The following SLC22A15 variants were observed in gnomAD, a reference collection of about 807,000 sequenced individuals.
SLC22A15 encodes the protein solute carrier family 22 member 15.
A neutral mutation model predicts 62.7 loss-of-function variants in SLC22A15; 45 were observed. The ratio of observed to expected loss-of-function variants is 0.72; its 90% confidence interval spans 0.56 to 0.92. SLC22A15 has a LOEUF of 0.92. Ranked by LOEUF, SLC22A15 falls within the 40% of genes least tolerant of loss-of-function variation. The probability of loss-of-function intolerance (pLI) is 0.00; values close to 1 mark genes in which losing one functional copy is unlikely to be tolerated. For synonymous variants in SLC22A15, 264 were observed against 267.0 expected (o/e 0.99, Z 0.11); for missense variants, 622 against 665.6 (o/e 0.93, Z 0.72).
intron 4 of SLC22A15, among the ~76,000 whole-genome samples, chr1:116,022,171 T>C (rs1656868700): frequency 6.6e-6 from 1 of 152,200 alleles, no homozygotes; most frequent in Admixed American, 6.5e-5. Context: ...CCTGCTGGTC[T>C]CAAACAGTGT....
chr1:116,062,927 G>T lies in SLC22A15; in HGVS notation c.1292+45G>T, dbSNP rs368023102. On this transcript the variant is annotated intron_variant, in intron 9 of 11. Coordinates refer to ENST00000369503, the MANE Select transcript of SLC22A15 (RefSeq NM_018420.3). ...TCATTCTTCACACATTCTACACTTTGTCATCCATTCTTGCACCAACAGAGG... is the reference window on the plus strand; with the variant it reads ...TCATTCTTCACACATTCTACACTTTTTCATCCATTCTTGCACCAACAGAGG... The T allele has an allele frequency of 3.5e-4, 555 of 1,603,664 alleles. 1 individual carries two copies. Among genetic ancestry groups the T allele is most frequent in the Non-Finnish European group, 4.2e-4 (493 of 1,173,132 alleles).
chr1:116,044,651 A>G (rs1231177880), intron 8 of SLC22A15, among the ~76,000 whole-genome samples: 1 of 152,264 alleles, frequency 6.6e-6, no homozygotes, highest in Admixed American at 6.5e-5. Flanking sequence ...CCTAAGGAAT[A>G]TACAAAAAAG....
In SLC22A15 at chr1:115,976,720, TC is replaced by T. The variant is rs1249178820; in HGVS notation, c.87+10del. 3 of 1,576,850 alleles carry T rather than the reference TC, an allele frequency of 1.9e-6. No homozygotes were observed. Among genetic ancestry groups the T allele is most frequent in the African/African-American group, 1.4e-5 (1 of 71,648 alleles). On this transcript the variant is annotated splice_region_variant and intron_variant, in intron 1 of 11. Coordinates refer to ENST00000369503, the MANE Select transcript of SLC22A15 (RefSeq NM_018420.3). ...TGCTGGCCGTGCTGCTGCAGGTAAG[TC>T]CCCGCGGCCCCGCAGCCGCATTTCC...
intron 2 of SLC22A15, among the ~76,000 whole-genome samples, chr1:116,013,583 T>G (rs1345885971): frequency 6.6e-6 from 1 of 152,226 alleles, no homozygotes; most frequent in African/African-American, 2.4e-5. Context: ...ATACATTGTT[T>G]CATTACTCAG....
intron 6 of SLC22A15, among the ~76,000 whole-genome samples, chr1:116,032,979 A>C (rs1265558964): frequency 1.3e-5 from 2 of 152,074 alleles, no homozygotes; most frequent in African/African-American, 4.8e-5. Context: ...AAACAAACAA[A>C]CCCTAGACTT....
rs530931299 is a variant in SLC22A15, at chr1:115,992,045, G to C, written c.102G>C (p.Thr34=). 1 of 1,613,490 alleles carries C rather than the reference G, an allele frequency of 6.2e-7. No individual in the cohort carries two copies. The highest frequency in any genetic ancestry group is 8.5e-7 in the Non-Finnish European group (1 of 1,179,868). The change falls in exon 2 of 12, where the codon ACG becomes ACC. Residue 34 remains threonine (T), a synonymous_variant. Transcript: ENST00000369503. ...LAVLLQLYVA[T]EAILIALVGA... ...TGCTCTTTCAGCTCTACGTGGCCAC[G>C]GAGGCCATCCTCATTGCACTGGTTG...
intron 8 of SLC22A15, among the ~76,000 whole-genome samples, chr1:116,059,085 G>A (rs1658307301): frequency 6.6e-6 from 1 of 152,028 alleles, no homozygotes; most frequent in Admixed American, 6.5e-5. Context: ...AATACCACCT[G>A]TACCTCAATA....
At chr1:116,047,666 TC>T (rs556998016) in intron 8 of SLC22A15, among the ~76,000 whole-genome samples, 153 of 152,070 alleles carry the variant, frequency 1.0e-3, no homozygotes, top group African/African-American at 3.4e-3. Context: ...GGAAGCCACA[TC>T]CATAGGAAAA....
chr1:116,034,321 A>C (rs565474778), intron 6 of SLC22A15, among the ~76,000 whole-genome samples: 1 of 152,222 alleles, frequency 6.6e-6, no homozygotes, highest in East Asian at 1.9e-4. Context: ...GCAGTTTCCT[A>C]GGCATAGAAG....
At chr1:116,000,705 AC>A (rs1304303371) in intron 2 of SLC22A15, among the ~76,000 whole-genome samples, 1 of 139,618 alleles carries the variant, frequency 7.2e-6, no homozygotes, top group African/African-American at 2.8e-5. Flanking sequence ...ATCCCGGCTC[AC>A]TGCAAACTCT....
rs374954316 is a variant in SLC22A15, at chr1:116,031,429, G to A, written c.792G>A (p.Ala264=). Residue 264 remains alanine (A), a synonymous_variant, in exon 6 of 12, where the codon GCG becomes GCA. Coordinates refer to ENST00000369503, the MANE Select transcript of SLC22A15 (RefSeq NM_018420.3). The stretch of plus-strand genomic sequence containing the variant: ...GTCGACTGAGTGAGGCTGAAGAGGC[G>A]CTGTACCTCATTGCCAAGAGGAACC... The part of the protein sequence containing the change: ...SQGRLSEAEE[A]LYLIAKRNRK... 3.0e-4 allele frequency: 486 copies of A among 1,613,746 alleles called. No homozygotes were observed. The highest frequency in any genetic ancestry group is 3.9e-4 in the Non-Finnish European group (463 of 1,179,878).
At chr1:116,048,084 T>C (rs1284046304) in intron 8 of SLC22A15, among the ~76,000 whole-genome samples, 2 of 152,162 alleles carry the variant, frequency 1.3e-5, no homozygotes, top group Non-Finnish European at 2.9e-5. Flanking sequence ...TCTGGGGTTA[T>C]GTTAAATGAC....
chr1:116,045,525 G>A (rs1657908987), intron 8 of SLC22A15, among the ~76,000 whole-genome samples: 1 of 151,462 alleles, frequency 6.6e-6, no homozygotes, highest in Non-Finnish European at 1.5e-5. Context: ...GGTCTCCTGA[G>A]GTCAGGAGTT....
intron 6 of SLC22A15, among the ~76,000 whole-genome samples, chr1:116,034,272 T>C (rs1408000992): frequency 6.6e-6 from 1 of 152,192 alleles, no homozygotes; most frequent in Non-Finnish European, 1.5e-5. Context: ...TTTATTTTTG[T>C]TCATTCTATT....
intron 8 of SLC22A15, among the ~76,000 whole-genome samples, chr1:116,051,430 C>T (rs184535358): frequency 6.6e-6 from 1 of 152,292 alleles, no homozygotes; most frequent in Admixed American, 6.5e-5. Context: ...GCCAACTGAT[C>T]TTCAAGAAAG....
chr1:115,993,424 T>TGAGAGA (rs768827877), intron 2 of SLC22A15, among the ~76,000 whole-genome samples: 8 of 131,848 alleles, frequency 6.1e-5, no homozygotes, highest in African/African-American at 3.0e-4. Context: ...TGTGAGTGTG[T>TGAGAGA]GAGAGTGTGT....
chr1:116,058,250 C>A (rs1305721804), intron 8 of SLC22A15, among the ~76,000 whole-genome samples: 1 of 151,914 alleles, frequency 6.6e-6, no homozygotes. Context: ...GAATCTACAA[C>A]AAACTCAAAC....
intron 2 of SLC22A15, among the ~76,000 whole-genome samples, chr1:116,004,636 A>G (rs560968838): frequency 4.6e-5 from 7 of 152,222 alleles, no homozygotes; most frequent in African/African-American, 1.7e-4. Context: ...ATTGCTCTGT[A>G]GTTTTCTTTT....
At chr1:116,023,064 C>T (rs935225654) in intron 4 of SLC22A15, among the ~76,000 whole-genome samples, 2 of 152,122 alleles carry the variant, frequency 1.3e-5, no homozygotes, top group African/African-American at 4.8e-5. Context: ...AGAGAAAACC[C>T]TAAATGTTCA....
Sources: allele counts gnomAD v4.1 joint callset (sites outside exome capture counted in the v4.1 genomes callset), GRCh38; gene constraint gnomAD v4.1.1; transcripts MANE v1.5; gene names NCBI Gene and HGNC (gene_info 2026-07-23, HGNC 2026-07-21).